Variants in RNF207 observed in about 807,000 individuals in gnomAD.
RNF207 encodes the protein OTTHUMG00000001089.
Under a neutral mutation model 79.0 loss-of-function variants are expected in RNF207, and 72 were observed. That is an observed-to-expected ratio of 0.91 (90% CI 0.75 to 1.11). The LOEUF (loss-of-function observed/expected upper bound fraction) is 1.11. Ranked by LOEUF, RNF207 falls within the 50% of genes least tolerant of loss-of-function variation. The pLI is 0.00. For synonymous variants in RNF207, 348 were observed against 366.2 expected (o/e 0.95, Z 0.57); for missense variants, 936 against 855.8 (o/e 1.09, Z -1.17).
At chr1:6,210,106 C>A in intron 8 of RNF207, 117 bp from the exon 9 acceptor site, 1 of 1,309,628 alleles carries the variant, frequency 7.6e-7, no homozygotes, top group Non-Finnish European at 1.1e-6. Context: ...GGCAGCATGG[C>A]TCAGGGTGCA....
rs1253886036 is a variant in RNF207, at chr1:6,212,426, C to T, written c.1482+10C>T. ...GGTCGTCTTCCAGGAGGTAGCCCTC[C>T]CAAGGACTCTAACTCCAGCCCCACC... On this transcript the variant is annotated intron_variant, in intron 14 of 17. Coordinates refer to ENST00000377939, the MANE Select transcript of RNF207 (RefSeq NM_207396.3). 51 of 1,600,402 alleles carry T rather than the reference C, an allele frequency of 3.2e-5. No homozygotes were observed. The highest frequency in any genetic ancestry group is 4.0e-5 in the Non-Finnish European group (47 of 1,173,508).
Position 6,207,038 on chromosome 1 carries a change from GA to G in RNF207, c.191+314del, listed in dbSNP as rs79993226. On this transcript the variant is annotated intron_variant, in intron 2 of 17. Coordinates refer to ENST00000377939, the MANE Select transcript of RNF207 (RefSeq NM_207396.3). The surrounding 1 kb of genome is among the most constrained non-coding windows in gnomAD (Gnocchi z 4.5). ...CCCGGTTACTCGCTTGGGGGTCCTAGAAGTCTTAGGTCCACAAAACCACAGT... is the reference window on the plus strand; with the variant it reads ...CCCGGTTACTCGCTTGGGGGTCCTAGAGTCTTAGGTCCACAAAACCACAGT... 0.18 allele frequency among the ~76,000 whole-genome samples: 28,016 copies of G among 152,100 alleles called. 3,245 individuals are homozygous for G. Among genetic ancestry groups the G allele is most frequent in the Non-Finnish European group, 0.25 (16,828 of 67,952 alleles).
At position 6,220,585 on chromosome 1, in the gene RNF207, G is replaced by A. The variant is rs1009524241; in HGVS notation, c.*1178G>A. The A allele has an allele frequency of 3.3e-5, 5 of 152,208 alleles. No individual in the cohort carries two copies. Among genetic ancestry groups the A allele is most frequent in the African/African-American group, 1.2e-4 (5 of 41,444 alleles). The allele number at this position is 152,208 out of a possible 1,614,324, so 9.4% of individuals were successfully genotyped here. On this transcript the variant is annotated 3_prime_UTR_variant, in exon 18 of 18. Transcript: ENST00000377939. ...AGCAAGGGCAGAGCTCCTAAAGCCA[G>A]GGGTTAGCACCTGGCCAGCTTATGT...
rs1668146011 is a variant in RNF207 at position 6,211,077 on chromosome 1, G to A, written c.1068G>A (p.Leu356=). The change falls in exon 12 of 18, where the codon CTG becomes CTA. Residue 356 remains leucine (L), a synonymous_variant. Transcript: ENST00000377939. The surrounding 1 kb of genome is among the most constrained non-coding windows in gnomAD (Gnocchi z 4.2). ...GCTGTCTGGAGCCACTGCTGCTGCT[G>A]GGGCCACGTCGGGTGGCAGCTGCTG... ...FARCLEPLLL[L]GPRRVAAAAS... is the part of the protein sequence containing the mutation. The A allele has an allele frequency of 6.2e-6, 10 of 1,606,060 alleles. No homozygotes were observed. Among genetic ancestry groups the A allele is most frequent in the Non-Finnish European group, 8.5e-6 (10 of 1,179,026 alleles).
intron 15 of RNF207, 121 bp downstream of exon 15, chr1:6,212,854 G>A (rs986416010): frequency 3.9e-5 from 35 of 906,360 alleles, no homozygotes; most frequent in African/African-American, 4.9e-5. Flanking sequence ...TCCCCTTAGC[G>A]CTTGACCGTG....
In RNF207 at chr1:6,207,542, C is replaced by T; in HGVS notation, c.324+31C>T. On this transcript the variant is annotated intron_variant, in intron 3 of 17. Transcript: ENST00000377939. This position sits in a 1 kb window ranked among gnomAD's most constrained non-coding sequence, Gnocchi z 4.5. Reference sequence around the variant, plus strand: ...GGCGGCAGGGCGGGTGGGTGAGGAGCAGAGGGTACCCGGTTGCACAGTCCC... The same window carrying T: ...GGCGGCAGGGCGGGTGGGTGAGGAGTAGAGGGTACCCGGTTGCACAGTCCC... 1 of 1,577,022 alleles carries T rather than the reference C, an allele frequency of 6.3e-7. No homozygotes were observed. The highest frequency in any genetic ancestry group is 1.3e-5 in the African/African-American group (1 of 74,696).
rs1668375975 is a variant in RNF207, at chr1:6,216,760, G to A, written c.1653-1529G>A. Among the ~76,000 whole-genome samples the A allele has an allele frequency of 1.3e-5, 2 of 150,132 alleles. 1 individual carries two copies. Among genetic ancestry groups the A allele is most frequent in the Admixed American group, 1.3e-4 (2 of 15,012 alleles). ...TTTTTTTTAATTTTTAGTAGAGACGGGGTTTCACCATGTTAGCCAGGATGG... is the reference window on the plus strand; with the variant it reads ...TTTTTTTTAATTTTTAGTAGAGACGAGGTTTCACCATGTTAGCCAGGATGG... On this transcript the variant is annotated intron_variant, in intron 16 of 17. Coordinates refer to ENST00000377939, the MANE Select transcript of RNF207 (RefSeq NM_207396.3).
chr1:6,207,823 G>T lies in RNF207; in HGVS notation c.324+312G>T. Reference sequence around the variant, plus strand: ...ACAGGAGGGGCAGTCCAGTTTGCAGGCCTGGGCCGACCCTGAAGGGCCTCT... The same window carrying T: ...ACAGGAGGGGCAGTCCAGTTTGCAGTCCTGGGCCGACCCTGAAGGGCCTCT... On this transcript the variant is annotated intron_variant, in intron 3 of 17. Transcript: ENST00000377939. This position sits in a 1 kb window ranked among gnomAD's most constrained non-coding sequence, Gnocchi z 4.5. The T allele has an allele frequency of 1.8e-6, 1 of 566,404 alleles. No homozygotes were observed. Among genetic ancestry groups the T allele is most frequent in the Middle Eastern group, 2.7e-4 (1 of 3,672 alleles). The allele number at this position is 566,404 out of a possible 1,614,324, so 35.1% of individuals were successfully genotyped here. A position where few individuals can be genotyped will look rare whatever the true frequency, so the allele number is the denominator to read the frequency against.
chr1:6,208,677 T>A, intron 3 of RNF207: 4 of 516,568 alleles, frequency 7.7e-6, no homozygotes, highest in East Asian at 3.7e-5. Context: ...ACGGACCTAC[T>A]TACCCAGCCT....
rs910028752 is a variant in RNF207, at chr1:6,217,702, C to A, written c.1653-587C>A. Among the ~76,000 whole-genome samples, 2 of 152,156 alleles carry A rather than the reference C, an allele frequency of 1.3e-5. No homozygotes were observed. Among genetic ancestry groups the A allele is most frequent in the African/African-American group, 4.8e-5 (2 of 41,430 alleles). ...CACCCGCTTTGGTCTCTATTGCTCC[C>A]CTGAATCCAGATCATCATGGCCAAC... On this transcript the variant is annotated intron_variant, in intron 16 of 17. Transcript: ENST00000377939. This position sits in a 1 kb window ranked among gnomAD's most constrained non-coding sequence, Gnocchi z 4.2.
At position 6,220,208 on chromosome 1, in the gene RNF207, A is replaced by G. The variant is rs1290939178; in HGVS notation, c.*801A>G. 3 of 152,320 alleles carry G rather than the reference A, an allele frequency of 2.0e-5. No individual in the cohort carries two copies. The East Asian group carries it at 5.8e-4, about 29-fold the overall frequency. 9.4% of individuals were successfully genotyped at this position (152,320 alleles called of 1,614,324 possible). A position where few individuals can be genotyped will look rare whatever the true frequency, so the allele number is the denominator to read the frequency against. On this transcript the variant is annotated 3_prime_UTR_variant, in exon 18 of 18. Transcript: ENST00000377939. ...CAGTTTTGATTTTCCCCGTGTTTGC[A>G]TGGCATGAAGTCTTCGTCCTTGTCA...
At position 6,211,017 on chromosome 1, in the gene RNF207, C is replaced by T. The variant is rs1213494954; in HGVS notation, c.1012-4C>T. 1 of 1,607,922 alleles carries T rather than the reference C, an allele frequency of 6.2e-7. No homozygotes were observed. The highest frequency in any genetic ancestry group is 1.7e-5 in the Admixed American group (1 of 59,496). The stretch of plus-strand genomic sequence containing the variant: ...CCACCTCATGACCCCATCCCGCTGC[C>T]CAGATTGCCAGTGACCACCGAGCTG... On this transcript the variant is annotated splice_region_variant and splice_polypyrimidine_tract_variant and intron_variant, in intron 11 of 17. Coordinates refer to ENST00000377939, the MANE Select transcript of RNF207 (RefSeq NM_207396.3). This position sits in a 1 kb window ranked among gnomAD's most constrained non-coding sequence, Gnocchi z 4.2.
intron 3 of RNF207, 95 bp from the exon 4 acceptor site, chr1:6,208,786 C>A (rs966405503): frequency 2.3e-6 from 3 of 1,332,198 alleles, no homozygotes; most frequent in Admixed American, 2.7e-5. Flanking sequence ...CCGGCCACGG[C>A]TGGGACAAAC....
chr1:6,208,803 A>T, intron 3 of RNF207, 78 bp from the exon 4 acceptor site: 1 of 1,408,336 alleles, frequency 7.1e-7, no homozygotes, highest in Non-Finnish European at 9.4e-7. Context: ...AAACACGCGC[A>T]GTGACACGCG....
chr1:6,219,502 T>C lies in RNF207; in HGVS notation c.*95T>C. The C allele has an allele frequency of 1.0e-6, 1 of 977,178 alleles. No homozygotes were observed. Among genetic ancestry groups the C allele is most frequent in the Non-Finnish European group, 1.5e-6 (1 of 684,902 alleles). 60.5% of individuals were successfully genotyped at this position (977,178 alleles called of 1,614,324 possible). A position where few individuals can be genotyped will look rare whatever the true frequency, so the allele number is the denominator to read the frequency against. The stretch of plus-strand genomic sequence containing the variant: ...GTTCCCATGATGGTTTTTTTTATTT[T>C]TTATTTTTGAGATGGAGTTTCGCTC... On this transcript the variant is annotated 3_prime_UTR_variant, in exon 18 of 18. Transcript: ENST00000377939.
chr1:6,218,373 A>C lies in RNF207; in HGVS notation c.1733+4A>C, dbSNP rs1668435293. ...GGAACAACGCGGCCTCAGCCAGGTAAAGCAAGTCTCTCCACTGGAGAGTGT... is the reference window on the plus strand; with the variant it reads ...GGAACAACGCGGCCTCAGCCAGGTACAGCAAGTCTCTCCACTGGAGAGTGT... On this transcript the variant is annotated splice_donor_region_variant and intron_variant, in intron 17 of 17. Coordinates refer to ENST00000377939, the MANE Select transcript of RNF207 (RefSeq NM_207396.3). 2 of 1,608,714 alleles carry C rather than the reference A, an allele frequency of 1.2e-6. No homozygotes were observed. Among genetic ancestry groups the C allele is most frequent in the African/African-American group, 2.7e-5 (2 of 74,708 alleles).
chr1:6,212,394 G>T lies in RNF207; in HGVS notation c.1460G>T (p.Gly487Val), dbSNP rs775160147. ...QIASEHASLEGMRVVFQEIWE... is the reference protein window; with the variant it reads ...QIASEHASLEVMRVVFQEIWE... The stretch of plus-strand genomic sequence containing the variant: ...GCCTCGGAGCACGCCTCCTTAGAGG[G>T]CATGAGGGTCGTCTTCCAGGAGGTA... The change falls in exon 14 of 18, where the codon GGC becomes GTC. Residue 487 changes from glycine (G) to valine (V), a missense_variant. Physicochemically the swap from Gly to Val is moderately radical, Grantham distance 109. Coordinates refer to ENST00000377939, the MANE Select transcript of RNF207 (RefSeq NM_207396.3). 2.0e-5 allele frequency: 33 copies of T among 1,611,162 alleles called. No homozygotes were observed. Among genetic ancestry groups the T allele is most frequent in the Non-Finnish European group, 2.6e-5 (31 of 1,178,784 alleles).
At position 6,207,848 on chromosome 1, in the gene RNF207, T is replaced by C. The variant is rs1312052960; in HGVS notation, c.324+337T>C. ...GCCTGGGCCGACCCTGAAGGGCCTC[T>C]GCTACCCAAGTGGCATAGAAGCAGC... On this transcript the variant is annotated intron_variant, in intron 3 of 17. Coordinates refer to ENST00000377939, the MANE Select transcript of RNF207 (RefSeq NM_207396.3). The surrounding 1 kb of genome is among the most constrained non-coding windows in gnomAD (Gnocchi z 4.5). 4.1e-6 allele frequency: 2 copies of C among 490,972 alleles called. No homozygotes were observed. The highest frequency in any genetic ancestry group is 7.8e-6 in the Non-Finnish European group (2 of 256,424). 30.4% of individuals were successfully genotyped at this position (490,972 alleles called of 1,614,324 possible). A position where few individuals can be genotyped will look rare whatever the true frequency, so the allele number is the denominator to read the frequency against.
At chr1:6,218,615 C>T (rs1275765882) in intron 17 of RNF207, among the ~76,000 whole-genome samples, 1 of 152,224 alleles carries the variant, frequency 6.6e-6, no homozygotes, top group Non-Finnish European at 1.5e-5. Context: ...ACAGCCATGG[C>T]TGCTGCCTGC....
Sources: allele counts gnomAD v4.1 joint callset (sites outside exome capture counted in the v4.1 genomes callset), GRCh38; gene constraint gnomAD v4.1.1; non-coding constraint Gnocchi (gnomAD v3.1); transcripts MANE v1.5; gene names NCBI Gene and HGNC (gene_info 2026-07-23, HGNC 2026-07-21).